NXPE2: variants seen among roughly 807,000 people sequenced by gnomAD.
NXPE2 encodes NXPE family member 2.
In NXPE2, 34 loss-of-function variants were observed where a neutral mutation model predicts 34.4. The ratio of observed to expected loss-of-function variants is 0.99; its 90% CI spans 0.75 to 1.31. The LOEUF (loss-of-function observed/expected upper bound fraction) is 1.31, where lower values mean the gene tolerates loss of function less well. NXPE2 is among the 40% of genes most tolerant of loss of function. The probability of loss-of-function intolerance (pLI) is 0.00; values close to 1 mark genes in which losing one functional copy is unlikely to be tolerated. For synonymous variants in NXPE2, 235 were observed against 231.3 expected (o/e 1.02, Z -0.15); for missense variants, 649 against 672.5 (o/e 0.97, Z 0.39).
the NXPE2 span, among the ~76,000 whole-genome samples, chr11:114,648,619 G>T: frequency 6.6e-6 from 1 of 152,068 alleles, no homozygotes; most frequent in East Asian, 1.9e-4. Context: ...ATTAATCATC[G>T]TGTCTACACT....
chr11:114,630,095 C>T, the NXPE2 span, among the ~76,000 whole-genome samples: 1 of 151,644 alleles, frequency 6.6e-6, no homozygotes, highest in Non-Finnish European at 1.5e-5. Context: ...GGCCATACTG[C>T]CCAAGGTAAT....
At chr11:114,486,249 A>G in the NXPE2 span, among the ~76,000 whole-genome samples, 17 of 152,172 alleles carry the variant, frequency 1.1e-4, no homozygotes, top group African/African-American at 2.7e-4. Flanking sequence ...CTGATGATCA[A>G]TAAGGTTGAG....
upstream of NXPE2, among the ~76,000 whole-genome samples, chr11:114,675,398 T>G (rs1426224847): frequency 1.3e-5 from 2 of 151,762 alleles, no homozygotes; most frequent in Admixed American, 6.6e-5. Context: ...AGCTTATATA[T>G]AGAGAACTCT....
chr11:114,620,166 T>G, the NXPE2 span, among the ~76,000 whole-genome samples: 1 of 152,036 alleles, frequency 6.6e-6, no homozygotes, highest in Non-Finnish European at 1.5e-5. Context: ...TGATAAATAT[T>G]GCCTCATGGG....
At chr11:114,725,590 T>C in the NXPE2 span, among the ~76,000 whole-genome samples, 1 of 152,130 alleles carries the variant, frequency 6.6e-6, no homozygotes, top group Admixed American at 6.6e-5. Flanking sequence ...GTCTTAATAA[T>C]GGCGTAGCCC....
chr11:114,538,231 G>T, the NXPE2 span, among the ~76,000 whole-genome samples: 1 of 152,214 alleles, frequency 6.6e-6, no homozygotes, highest in South Asian at 2.1e-4. Flanking sequence ...GCCATATGTA[G>T]AAAGCTGAAA....
the NXPE2 span, among the ~76,000 whole-genome samples, chr11:114,717,787 C>T: frequency 6.6e-6 from 1 of 152,098 alleles, no homozygotes; most frequent in African/African-American, 2.4e-5. Flanking sequence ...CTGTGTAAAC[C>T]ACAACTGGAT....
chr11:114,697,898 GA>G, intron 2 of NXPE2, 146 bp from the exon 3 acceptor site: 1 of 766,954 alleles, frequency 1.3e-6, no homozygotes, highest in Non-Finnish European at 1.9e-6. Flanking sequence ...CATTTCTGAA[GA>G]TTCCATAACT....
chr11:114,742,501 C>T, the NXPE2 span, among the ~76,000 whole-genome samples: 23 of 152,316 alleles, frequency 1.5e-4, no homozygotes, highest in Middle Eastern at 3.4e-3. Context: ...GCCCCTCTCA[C>T]TTTCCAACTT....
the NXPE2 span, among the ~76,000 whole-genome samples, chr11:114,721,085 C>T: frequency 6.6e-6 from 1 of 152,060 alleles, no homozygotes; most frequent in African/African-American, 2.4e-5. Flanking sequence ...CTTTTCCTTT[C>T]CCCCAGGAGT....
the NXPE2 span, among the ~76,000 whole-genome samples, chr11:114,742,462 A>G: frequency 6.6e-6 from 1 of 152,166 alleles, no homozygotes; most frequent in Non-Finnish European, 1.5e-5. Flanking sequence ...GGCATCCCAC[A>G]TGGCTGGGAA....
chr11:114,554,467 T>G, the NXPE2 span: 1 of 715,254 alleles, frequency 1.4e-6, no homozygotes, highest in Non-Finnish European at 1.7e-6. Context: ...CTATGACCTC[T>G]TTTCCAAATA....
At chr11:114,755,661 C>T in the NXPE2 span, among the ~76,000 whole-genome samples, 19 of 150,796 alleles carry the variant, frequency 1.3e-4, no homozygotes, top group Non-Finnish European at 2.4e-4. Context: ...TCTGTCTATC[C>T]ATCCATTTAT....
At chr11:114,606,184 A>G in the NXPE2 span, among the ~76,000 whole-genome samples, 6 of 151,836 alleles carry the variant, frequency 4.0e-5, no homozygotes, top group Non-Finnish European at 8.8e-5. Context: ...CTTGTGGGTA[A>G]TCACAGTTAC....
chr11:114,637,970 T>C, the NXPE2 span, among the ~76,000 whole-genome samples: 118 of 151,814 alleles, frequency 7.8e-4, no homozygotes, highest in Admixed American at 1.8e-3. Context: ...AGGAGTATCT[T>C]TGTGGCGTTC....
the NXPE2 span, among the ~76,000 whole-genome samples, chr11:114,469,676 A>G: frequency 1.3e-5 from 2 of 151,384 alleles, no homozygotes; most frequent in Non-Finnish European, 2.9e-5. Flanking sequence ...TATTTTTAGT[A>G]GAGACGGGAT....
At chr11:114,767,138 G>A in the NXPE2 span, among the ~76,000 whole-genome samples, 4 of 152,044 alleles carry the variant, frequency 2.6e-5, no homozygotes, top group Non-Finnish European at 4.4e-5. Flanking sequence ...TATAGAAATT[G>A]TTACATTGTT....
the NXPE2 span, among the ~76,000 whole-genome samples, chr11:114,568,842 AT>A: frequency 6.6e-6 from 1 of 152,200 alleles, no homozygotes; most frequent in Non-Finnish European, 1.5e-5. Flanking sequence ...GAACTGTGGA[AT>A]AATTTTATGT....
chr11:114,552,294 T>C, the NXPE2 span, among the ~76,000 whole-genome samples: 1 of 152,086 alleles, frequency 6.6e-6, no homozygotes, highest in Non-Finnish European at 1.5e-5. Context: ...TGAGACCAAA[T>C]GAATGAATAC....
Sources: gnomAD v4.1 joint callset for allele counts (sites outside exome capture counted in the v4.1 genomes callset) on GRCh38, gnomAD v4.1.1 for gene constraint, MANE v1.5 for transcripts, NCBI Gene and HGNC (gene_info 2026-07-23, HGNC 2026-07-21) for gene names.